The following SRP54 variants were observed in gnomAD, a reference collection of about 807,000 sequenced individuals.
SRP54 encodes the protein signal recognition particle subunit SRP54.
A neutral mutation model predicts 64.8 loss-of-function variants in SRP54; 10 were observed. The observed-to-expected ratio is 0.15, with a 90% CI of 0.10 to 0.26. The LOEUF is 0.26. Ranked by LOEUF, SRP54 falls within the 10% of genes least tolerant of loss-of-function variation. The pLI is 1.00. For synonymous variants in SRP54, 193 were observed against 185.6 expected, an observed-to-expected ratio of 1.04 and a Z score of -0.32; for missense variants, 325 against 613.7, an observed-to-expected ratio of 0.53 and a Z score of 4.97.
Position 35,027,089 on chromosome 14 carries a change from G to A in SRP54, c.1328-999G>A, listed in dbSNP as rs527699113. Among the ~76,000 whole-genome samples the A allele has an allele frequency of 3.8e-4, 57 of 150,332 alleles. 1 individual carries two copies. In the South Asian group the frequency reaches 0.012, roughly 31 times the overall value. On this transcript the variant is annotated intron_variant, in intron 14 of 15. Transcript: ENST00000216774. ...CTGTCGCCCAGGCTGGAGTACAGTGGTGCGATCTTGATTCACTGCAACCTC... is the reference window on the plus strand; with the variant it reads ...CTGTCGCCCAGGCTGGAGTACAGTGATGCGATCTTGATTCACTGCAACCTC...
At position 35,014,329 on chromosome 14, in the gene SRP54, G is replaced by A. The variant is rs2044405347; in HGVS notation, c.887-415G>A. The stretch of plus-strand genomic sequence containing the variant: ...TTTCGCTCTTGTCACCCAGGCTGGA[G>A]TGCAATGGCGGGATCTCAGTTCACT... On this transcript the variant is annotated intron_variant, in intron 10 of 15. Transcript: ENST00000216774. Among the ~76,000 whole-genome samples the A allele has an allele frequency of 3.5e-5, 5 of 144,728 alleles. No individual in the cohort carries two copies. In the Admixed American group the frequency reaches 3.7e-4, roughly 11 times the overall value. 94.9% of individuals were successfully genotyped at this position (144,728 alleles called of 152,430 possible). A position where few individuals can be genotyped will look rare whatever the true frequency, so the allele number is the denominator to read the frequency against.
chr14:35,024,650 G>C (rs534911900), intron 14 of SRP54, among the ~76,000 whole-genome samples: 24 of 138,774 alleles, frequency 1.7e-4, no homozygotes, highest in Non-Finnish European at 3.7e-4. Flanking sequence ...GCTTCCCCTT[G>C]TTTATTTTTT....
intron 2 of SRP54, 160 bp downstream of exon 2, chr14:34,996,947 G>A: frequency 7.1e-6 from 3 of 421,818 alleles, no homozygotes; most frequent in South Asian, 1.4e-4. Context: ...GTTTTATTGA[G>A]AAATTAACTA....
In SRP54 at chr14:35,028,189, T is replaced by TA. The variant is rs776890941; in HGVS notation, c.1423+7dup. 1.9e-6 allele frequency: 3 copies of TA among 1,584,630 alleles called. No individual in the cohort carries two copies. The Admixed American group carries it at 5.3e-5, about 28-fold the overall frequency. On this transcript the variant is annotated splice_region_variant and intron_variant, in intron 15 of 15. Coordinates refer to ENST00000216774, the MANE Select transcript of SRP54 (RefSeq NM_003136.4). ...TAGGGTTCTTCATCACATGGGTAAA[T>TA]ACCAAGTTGTTGGCAGTTGCTAATG...
intron 1 of SRP54, among the ~76,000 whole-genome samples, chr14:34,985,987 G>A (rs2043889350): frequency 6.6e-6 from 1 of 151,878 alleles, no homozygotes; most frequent in Admixed American, 6.6e-5. Flanking sequence ...ACTTTCCAAG[G>A]AATTCTTTTG....
At chr14:34,996,884 A>G in intron 2 of SRP54, 97 bp downstream of exon 2, 1 of 906,500 alleles carries the variant, frequency 1.1e-6, no homozygotes, top group East Asian at 2.5e-5. Context: ...ATGTATTTTG[A>G]TGTAGACTTA....
chr14:35,013,310 CT>C (rs2044385422), intron 8 of SRP54, 35 bp from the exon 9 acceptor site: 1 of 1,584,354 alleles, frequency 6.3e-7, no homozygotes, highest in Non-Finnish European at 8.6e-7. Flanking sequence ...CAATAAAAAT[CT>C]TTTCTAAAGT....
rs2044140298 is a variant in SRP54, at chr14:34,999,723, T to C, written c.170+74T>C. On this transcript the variant is annotated intron_variant, in intron 3 of 15. Transcript: ENST00000216774. ...ACTGGAAAGAGGTGCTAACTGGAAG[T>C]GTTTGCTGTATCAGGAATCATTTCT... 4 of 1,076,616 alleles carry C rather than the reference T, an allele frequency of 3.7e-6. No homozygotes were observed. In the Admixed American group the frequency reaches 7.2e-5, roughly 19 times the overall value. 66.7% of individuals were successfully genotyped at this position (1,076,616 alleles called of 1,614,324 possible). A position where few individuals can be genotyped will look rare whatever the true frequency, so the allele number is the denominator to read the frequency against.
chr14:35,018,620 G>T, intron 11 of SRP54, 72 bp from the exon 12 acceptor site: 2 of 1,173,936 alleles, frequency 1.7e-6, no homozygotes, highest in Non-Finnish European at 2.5e-6. Context: ...TCATGATTAA[G>T]GAATAAATTA....
intron 1 of SRP54, among the ~76,000 whole-genome samples, chr14:34,987,259 ATGTGTG>A: frequency 8.8e-6 from 1 of 113,466 alleles, no homozygotes; most frequent in East Asian, 2.2e-4. Flanking sequence ...ATATATATAT[ATGTGTG>A]TGTGTGTGTG....
In SRP54 at chr14:34,995,134, G is replaced by GGTGTGTGTGT. The variant is rs35829734; in HGVS notation, c.-33-1498_-33-1489dup. Among the ~76,000 whole-genome samples, 479 of 70,270 alleles carry GGTGTGTGTGT rather than the reference G, an allele frequency of 6.8e-3. 6 individuals are homozygous for GGTGTGTGTGT. Among genetic ancestry groups the GGTGTGTGTGT allele is most frequent in the East Asian group, 0.014 (31 of 2,268 alleles). The allele number at this position is 70,270 out of a possible 152,430, so 46.1% of individuals were successfully genotyped here. A position where few individuals can be genotyped will look rare whatever the true frequency, so the allele number is the denominator to read the frequency against. On this transcript the variant is annotated intron_variant, in intron 1 of 15. Coordinates refer to ENST00000216774, the MANE Select transcript of SRP54 (RefSeq NM_003136.4). ...TTCCAGAGAAGCAGAATCAATAAAG[G>GGTGTGTGTGT]GTGTGTGTGTGTGTGTGTGTGTGTG...
At chr14:34,987,243 AAAAAT>A (rs1303213998) in intron 1 of SRP54, among the ~76,000 whole-genome samples, 2 of 75,024 alleles carry the variant, frequency 2.7e-5, no homozygotes, top group African/African-American at 4.5e-5. Flanking sequence ...AAAAAAAAAA[AAAAAT>A]ATATATATAT....
At chr14:35,026,860 G>A (rs2044635486) in intron 14 of SRP54, among the ~76,000 whole-genome samples, 3 of 152,034 alleles carry the variant, frequency 2.0e-5, no homozygotes, top group Admixed American at 6.6e-5. Context: ...GGAGAATGGT[G>A]TGAACCCGGG....
intron 1 of SRP54, among the ~76,000 whole-genome samples, chr14:34,984,528 T>C (rs542873900): frequency 6.6e-6 from 1 of 152,204 alleles, no homozygotes; most frequent in African/African-American, 2.4e-5. Context: ...TTCCAAACCT[T>C]ATTTGCTCTG....
chr14:34,992,703 T>A (rs921562733), intron 1 of SRP54, among the ~76,000 whole-genome samples: 3 of 152,094 alleles, frequency 2.0e-5, no homozygotes, highest in Non-Finnish European at 4.4e-5. Flanking sequence ...GTTCAATATT[T>A]GGGTCATGTG....
At chr14:35,028,478 C>T (rs1448741144) in intron 15 of SRP54, among the ~76,000 whole-genome samples, 2 of 152,120 alleles carry the variant, frequency 1.3e-5, no homozygotes, top group African/African-American at 2.4e-5. Flanking sequence ...ACTTATATGA[C>T]TGAGGATTTT....
intron 14 of SRP54, among the ~76,000 whole-genome samples, chr14:35,027,364 C>A (rs1343594455): frequency 6.6e-6 from 1 of 152,174 alleles, no homozygotes; most frequent in African/African-American, 2.4e-5. Flanking sequence ...ATCTACCAGC[C>A]ATCCAGTCTC....
Position 34,997,407 on chromosome 14 carries a change from A to G in SRP54, c.78+620A>G, listed in dbSNP as rs148716085. Among the ~76,000 whole-genome samples, 588 of 152,320 alleles carry G rather than the reference A, an allele frequency of 3.9e-3. 6 individuals carry two copies. The highest frequency in any genetic ancestry group is 0.014 in the African/African-American group (571 of 41,574). The stretch of plus-strand genomic sequence containing the variant: ...TTGAAAAAGTTGACTGTGGTTCACA[A>G]GTATACTTTATATTTTGTATCAACA... On this transcript the variant is annotated intron_variant, in intron 2 of 15. Coordinates refer to ENST00000216774, the MANE Select transcript of SRP54 (RefSeq NM_003136.4).
At chr14:35,011,882 C>T (rs560736969) in intron 8 of SRP54, among the ~76,000 whole-genome samples, 20 of 152,182 alleles carry the variant, frequency 1.3e-4, no homozygotes, top group Admixed American at 1.2e-3. Flanking sequence ...AAGTAATTTC[C>T]TTTCTCAGTC....
Sources: gnomAD v4.1 joint callset for allele counts (sites outside exome capture counted in the v4.1 genomes callset) on GRCh38, gnomAD v4.1.1 for gene constraint, MANE v1.5 for transcripts, NCBI Gene and HGNC (gene_info 2026-07-23, HGNC 2026-07-21) for gene names.